METTL8: variants seen among roughly 807,000 people sequenced by gnomAD.
The protein encoded by METTL8 is tRNA N(3)-cytidine methyltransferase METTL8, mitochondrial.
METTL8 carries 32 observed loss-of-function variants against 48.7 expected under a neutral mutation model. That is an observed-to-expected ratio of 0.66 (90% CI 0.50 to 0.88). The LOEUF (loss-of-function observed/expected upper bound fraction) is 0.88, where lower values mean the gene tolerates loss of function less well. Among genes scored for constraint, METTL8 ranks in the 40% least tolerant of loss-of-function variants. The pLI is 0.00. For missense variants in METTL8, 464 were observed against 474.4 expected (o/e 0.98, Z 0.20); for synonymous variants, 136 against 157.1 (o/e 0.87, Z 1.01).
At chr2:171,357,615 T>C (rs113911075) in intron 3 of METTL8, among the ~76,000 whole-genome samples, 66 of 152,268 alleles carry the variant, frequency 4.3e-4, no homozygotes, top group African/African-American at 1.6e-3. Flanking sequence ...CCCAAAGCAA[T>C]TTATAGATTC....
intron 1 of METTL8, among the ~76,000 whole-genome samples, chr2:171,417,818 A>G (rs1444001476): frequency 6.6e-6 from 1 of 152,222 alleles, no homozygotes. Flanking sequence ...TGGTATATTT[A>G]TTATAATTAA....
chr2:171,392,289 C>G (rs1440355816), intron 1 of METTL8, 92 bp from the exon 2 acceptor site: 1 of 1,010,648 alleles, frequency 9.9e-7, no homozygotes, highest in African/African-American at 1.6e-5. Context: ...GGTTTTCAAT[C>G]TGAGAATGCA....
intron 2 of METTL8, among the ~76,000 whole-genome samples, chr2:171,382,129 T>C (rs978497737): frequency 1.3e-5 from 2 of 152,140 alleles, no homozygotes; most frequent in Non-Finnish European, 2.9e-5. Flanking sequence ...GTTCAACCAT[T>C]GTGGAAAACA....
At chr2:171,333,085 CT>C (rs760388577) in intron 5 of METTL8, among the ~76,000 whole-genome samples, 5 of 140,798 alleles carry the variant, frequency 3.6e-5, no homozygotes, top group South Asian at 2.5e-4. Context: ...AGGTTATACT[CT>C]TTTTTTTTCT....
At chr2:171,420,693 T>C (rs1441282505) in intron 1 of METTL8, among the ~76,000 whole-genome samples, 1 of 152,118 alleles carries the variant, frequency 6.6e-6, no homozygotes, top group Admixed American at 6.6e-5. Flanking sequence ...AAAAACAAAA[T>C]GTGTCACAAA....
chr2:171,407,469 G>A (rs1259459008), intron 1 of METTL8, among the ~76,000 whole-genome samples: 3 of 152,070 alleles, frequency 2.0e-5, no homozygotes, highest in East Asian at 3.9e-4. Flanking sequence ...GTAACAATGA[G>A]AAGGAACTAC....
intron 7 of METTL8, among the ~76,000 whole-genome samples, chr2:171,327,747 A>G (rs754525024): frequency 2.6e-5 from 4 of 152,256 alleles, no homozygotes; most frequent in Non-Finnish European, 5.9e-5. Context: ...AAGAAAAAAG[A>G]AACGTATTTT....
At chr2:171,368,836 C>G (rs1297545690) in intron 2 of METTL8, among the ~76,000 whole-genome samples, 1 of 151,394 alleles carries the variant, frequency 6.6e-6, no homozygotes, top group Admixed American at 6.6e-5. Flanking sequence ...CAGGAGTTCA[C>G]AGCCAGCTTG....
At chr2:171,345,260 A>C (rs1687154426) in intron 3 of METTL8, among the ~76,000 whole-genome samples, 1 of 152,236 alleles carries the variant, frequency 6.6e-6, no homozygotes, top group Non-Finnish European at 1.5e-5. Context: ...TTCAGAATTC[A>C]TTCTGAATCA....
At chr2:171,391,127 T>C (rs934888840) in intron 2 of METTL8, among the ~76,000 whole-genome samples, 5 of 152,186 alleles carry the variant, frequency 3.3e-5, no homozygotes, top group Admixed American at 2.6e-4. Flanking sequence ...TCAGCAGCCA[T>C]CAACACTGAG....
chr2:171,340,669 T>C (rs187856549), intron 3 of METTL8, among the ~76,000 whole-genome samples: 5 of 152,202 alleles, frequency 3.3e-5, no homozygotes, highest in Admixed American at 3.3e-4. Flanking sequence ...ATTTCAAAAT[T>C]ATAAACAACA....
chr2:171,342,167 T>C (rs774242662), intron 3 of METTL8, among the ~76,000 whole-genome samples: 1 of 152,234 alleles, frequency 6.6e-6, no homozygotes, highest in Non-Finnish European at 1.5e-5. Context: ...TTTTCTTCTT[T>C]CCAATTTTAT....
At chr2:171,434,662 C>T (rs868533593), upstream of METTL8, 2 of 1,530,366 alleles carry the variant, frequency 1.3e-6, no homozygotes, top group Admixed American at 2.0e-5. Flanking sequence ...AGGCGTGGTG[C>T]AGAGGACCAA....
chr2:171,418,764 G>A (rs182247505), intron 1 of METTL8, among the ~76,000 whole-genome samples: 39 of 152,126 alleles, frequency 2.6e-4, no homozygotes, highest in Non-Finnish European at 4.7e-4. Context: ...GACCAGTCTG[G>A]ACAACATGGC....
At chr2:171,411,715 G>A (rs906251267) in intron 1 of METTL8, among the ~76,000 whole-genome samples, 2 of 152,074 alleles carry the variant, frequency 1.3e-5, no homozygotes, top group Non-Finnish European at 2.9e-5. Flanking sequence ...ATCTTTATTA[G>A]TCTAGGAAAA....
chr2:171,357,853 A>T (rs908975524), intron 3 of METTL8, among the ~76,000 whole-genome samples: 1 of 151,936 alleles, frequency 6.6e-6, no homozygotes, highest in Non-Finnish European at 1.5e-5. Flanking sequence ...TGACCACAAC[A>T]CTTGATTAAT....
Position 171,432,010 on chromosome 2 carries a change from C to T in METTL8, c.-13+1873G>A, listed in dbSNP as rs540767085. 1.1e-3 allele frequency among the ~76,000 whole-genome samples: 168 copies of T among 152,338 alleles called. 1 individual carries two copies. Among genetic ancestry groups the T allele is most frequent in the African/African-American group, 3.9e-3 (162 of 41,574 alleles). On this transcript the variant is annotated intron_variant, in intron 1 of 9. Coordinates refer to ENST00000375258, the MANE Select transcript of METTL8 (RefSeq NM_001321154.2). ...CTCCTGTGCCGGCACTTGGAGCAAC[C>T]AGCTGGATACCACACAACTCTGCAC...
In METTL8 at chr2:171,323,950, A is replaced by G; in HGVS notation, c.*222T>C. On this transcript the variant is annotated 3_prime_UTR_variant, in exon 10 of 10. Coordinates refer to ENST00000375258, the MANE Select transcript of METTL8 (RefSeq NM_001321154.2). ...CAAAATGGTTAGATGTAATAAATTC[A>G]AACAAGCTTGAGCATATCAAGTTTT... 1 of 390,316 alleles carries G rather than the reference A, an allele frequency of 2.6e-6. No homozygotes were observed. The allele number at this position is 390,316 out of a possible 1,614,324, so 24.2% of individuals were successfully genotyped here.
At chr2:171,400,561 T>C (rs1689542095) in intron 1 of METTL8, among the ~76,000 whole-genome samples, 1 of 152,178 alleles carries the variant, frequency 6.6e-6, no homozygotes, top group African/African-American at 2.4e-5. Flanking sequence ...CATTCTCTTA[T>C]TTGGCTTGTC....
Sources: gnomAD v4.1 joint callset for allele counts (sites outside exome capture counted in the v4.1 genomes callset) on GRCh38, gnomAD v4.1.1 for gene constraint, MANE v1.5 for transcripts, NCBI Gene and HGNC (gene_info 2026-07-23, HGNC 2026-07-21) for gene names.